The following ELMO1 variants were observed in gnomAD, a reference collection of about 807,000 sequenced individuals.
ELMO1 encodes engulfment and cell motility protein 1.
In ELMO1, 26 loss-of-function variants were observed where a neutral mutation model predicts 98.9. That is an observed-to-expected ratio of 0.26 (90% CI 0.19 to 0.36). ELMO1 has a LOEUF of 0.36. ELMO1 is among the 10% of genes least tolerant of loss of function. ELMO1 has a pLI of 1.00. For synonymous variants in ELMO1, 346 were observed against 346.0 expected, an observed-to-expected ratio of 1.00 and a Z score of 0.00; for missense variants, 627 against 935.2, an observed-to-expected ratio of 0.67 and a Z score of 4.30.
At chr7:37,302,366 G>A (rs1441496534) in intron 4 of ELMO1, among the ~76,000 whole-genome samples, 1 of 152,130 alleles carries the variant, frequency 6.6e-6, no homozygotes, top group African/African-American at 2.4e-5. Context: ...AAATGATCCT[G>A]TAAACCTCTA....
intron 14 of ELMO1, among the ~76,000 whole-genome samples, chr7:37,123,490 C>T (rs1027565564): frequency 6.6e-6 from 1 of 152,162 alleles, no homozygotes; most frequent in Non-Finnish European, 1.5e-5. Context: ...AAACTACCAT[C>T]GGAGAATACT....
intron 1 of ELMO1, among the ~76,000 whole-genome samples, chr7:37,379,388 T>A (rs980012017): frequency 6.6e-6 from 1 of 152,118 alleles, no homozygotes; most frequent in African/African-American, 2.4e-5. Context: ...AAGATCTTCC[T>A]TGAAGGGGTC....
At chr7:36,951,234 T>C (rs183604304) in intron 16 of ELMO1, among the ~76,000 whole-genome samples, 200 of 152,306 alleles carry the variant, frequency 1.3e-3, no homozygotes, top group African/African-American at 4.6e-3. Flanking sequence ...TCCAGATCAG[T>C]GCAAGGCATT....
rs146306812 is a variant in ELMO1 at position 37,056,135 on chromosome 7, C to T, written c.1300+40484G>A. ...TTAGTTCTAGTAAAATTTGTTGAGT[C>T]GTTCTCACACTTTGGGGAAAAGGTG... On this transcript the variant is annotated intron_variant, in intron 15 of 21. Transcript: ENST00000310758. Among the ~76,000 whole-genome samples, 5 of 152,140 alleles carry T rather than the reference C, an allele frequency of 3.3e-5. No homozygotes were observed. The East Asian group carries it at 7.7e-4, about 23-fold the overall frequency.
intron 13 of ELMO1, among the ~76,000 whole-genome samples, chr7:37,165,587 G>A (rs1789613410): frequency 6.6e-6 from 1 of 151,872 alleles, no homozygotes; most frequent in Non-Finnish European, 1.5e-5. Flanking sequence ...TGCATCTATT[G>A]AGATAATCAT....
intron 16 of ELMO1, among the ~76,000 whole-genome samples, chr7:36,904,325 T>C (rs1249651372): frequency 2.0e-5 from 3 of 152,206 alleles, no homozygotes; most frequent in Non-Finnish European, 4.4e-5. Flanking sequence ...AGGGAGCTGC[T>C]CCCAGTGCTG....
At chr7:37,164,043 G>A (rs921158331) in intron 13 of ELMO1, among the ~76,000 whole-genome samples, 7 of 152,308 alleles carry the variant, frequency 4.6e-5, no homozygotes, top group African/African-American at 1.7e-4. Flanking sequence ...ACTGGTGTGA[G>A]ATAATATCCC....
intron 5 of ELMO1, among the ~76,000 whole-genome samples, chr7:37,261,554 G>A (rs1189278710): frequency 2.0e-5 from 3 of 152,116 alleles, no homozygotes; most frequent in Non-Finnish European, 4.4e-5. Flanking sequence ...AATCACTCAG[G>A]ATGCTGCATC....
intron 1 of ELMO1, among the ~76,000 whole-genome samples, chr7:37,386,728 A>C (rs776845720): frequency 4.0e-4 from 61 of 152,050 alleles, no homozygotes; most frequent in Non-Finnish European, 1.9e-4. Context: ...GTCCAAACTC[A>C]TGTCAGTCAG....
intron 18 of ELMO1, among the ~76,000 whole-genome samples, chr7:36,884,308 C>T (rs1458348157): frequency 1.6e-5 from 2 of 122,744 alleles, no homozygotes; most frequent in African/African-American, 3.5e-5. Flanking sequence ...CAGAGCGAGA[C>T]TGTCTCAAAA....
intron 16 of ELMO1, among the ~76,000 whole-genome samples, chr7:36,898,932 C>T (rs115898973): frequency 6.6e-6 from 1 of 152,146 alleles, no homozygotes; most frequent in African/African-American, 2.4e-5. Context: ...CATGAACACT[C>T]ATGGAGGCCC....
At chr7:37,145,401 G>C (rs1419348860) in intron 13 of ELMO1, among the ~76,000 whole-genome samples, 1 of 152,186 alleles carries the variant, frequency 6.6e-6, no homozygotes, top group African/African-American at 2.4e-5. Context: ...TCTGTGCTCA[G>C]GACTCTTGTC....
At chr7:36,901,701 T>C (rs1000889932) in intron 16 of ELMO1, among the ~76,000 whole-genome samples, 3 of 152,166 alleles carry the variant, frequency 2.0e-5, no homozygotes, top group Admixed American at 2.0e-4. Flanking sequence ...ATCTATAAAG[T>C]AGCGGTAATA....
At chr7:36,869,833 A>C (rs974822142) in intron 20 of ELMO1, among the ~76,000 whole-genome samples, 1 of 152,184 alleles carries the variant, frequency 6.6e-6, no homozygotes, top group Non-Finnish European at 1.5e-5. Context: ...CTTCTGGGAA[A>C]ATTTTCTCCT....
chr7:37,372,985 G>A (rs911386655), intron 1 of ELMO1, among the ~76,000 whole-genome samples: 9 of 152,240 alleles, frequency 5.9e-5, no homozygotes, highest in African/African-American at 1.9e-4. Context: ...AAAGGGAAGA[G>A]CCAGACTTCC....
intron 2 of ELMO1, among the ~76,000 whole-genome samples, chr7:37,321,450 G>T (rs1799488589): frequency 6.6e-6 from 1 of 152,050 alleles, no homozygotes; most frequent in Non-Finnish European, 1.5e-5. Context: ...GGGCGCGGTG[G>T]TTCACGCTTG....
chr7:37,408,479 G>C lies in ELMO1; in HGVS notation c.-74+40196C>G, dbSNP rs141131381. Reference sequence around the variant, plus strand: ...CACTACTGTGTACACTGCAGCGTTAGTCACAATAGCCAGGAGGGAGAAGCA... The same window carrying C: ...CACTACTGTGTACACTGCAGCGTTACTCACAATAGCCAGGAGGGAGAAGCA... On this transcript the variant is annotated intron_variant, in intron 1 of 21. Transcript: ENST00000310758. 3.6e-4 allele frequency among the ~76,000 whole-genome samples: 55 copies of C among 152,338 alleles called. No individual in the cohort carries two copies. The East Asian group carries it at 0.01, about 28-fold the overall frequency.
At chr7:36,924,679 G>A (rs996994028) in intron 16 of ELMO1, among the ~76,000 whole-genome samples, 9 of 152,102 alleles carry the variant, frequency 5.9e-5, no homozygotes, top group South Asian at 2.1e-4. Context: ...AACTTATTAC[G>A]TTATAGGGGG....
intron 21 of ELMO1, among the ~76,000 whole-genome samples, chr7:36,858,309 G>GT (rs1165509634): frequency 1.3e-5 from 2 of 152,178 alleles, no homozygotes; most frequent in Non-Finnish European, 2.9e-5. Context: ...AACGATCATT[G>GT]TTGGCTGCTA....
Sources: allele counts gnomAD v4.1 joint callset (sites outside exome capture counted in the v4.1 genomes callset), GRCh38; gene constraint gnomAD v4.1.1; transcripts MANE v1.5; gene names NCBI Gene and HGNC (gene_info 2026-07-23, HGNC 2026-07-21).